The following FCHSD2 variants were observed in gnomAD, a reference collection of about 807,000 sequenced individuals.
FCHSD2 encodes FCH and double SH3 domains 2, also known as F-BAR and double SH3 domains protein 2.
Under a neutral mutation model 108.1 loss-of-function variants are expected in FCHSD2, and 38 were observed. The observed-to-expected ratio is 0.35, with a 90% CI of 0.27 to 0.46. FCHSD2 has a LOEUF of 0.46. FCHSD2 is among the 20% of genes least tolerant of loss of function. The pLI is 1.00. For synonymous variants in FCHSD2, 279 were observed against 314.7 expected (o/e 0.89, Z 1.20); for missense variants, 751 against 897.8 (o/e 0.84, Z 2.09).
At chr11:72,854,997 G>C (rs1311543395) in intron 13 of FCHSD2, among the ~76,000 whole-genome samples, 1 of 152,058 alleles carries the variant, frequency 6.6e-6, no homozygotes, top group Non-Finnish European at 1.5e-5. Context: ...AATTAGGCCA[G>C]GCACGGTGGC....
At chr11:73,083,664 C>T in intron 3 of FCHSD2, 31 bp downstream of exon 3, 1 of 1,456,146 alleles carries the variant, frequency 6.9e-7, no homozygotes, top group South Asian at 1.2e-5. Flanking sequence ...AAGAAGTATA[C>T]CTAGAATGGG....
chr11:73,098,021 C>T (rs1860132628), intron 2 of FCHSD2, among the ~76,000 whole-genome samples: 1 of 152,082 alleles, frequency 6.6e-6, no homozygotes, highest in Admixed American at 6.6e-5. Flanking sequence ...TTCAAAGTAC[C>T]AACTTTAGTT....
At chr11:73,085,800 T>TA (rs547004494) in intron 2 of FCHSD2, among the ~76,000 whole-genome samples, 6 of 150,922 alleles carry the variant, frequency 4.0e-5, no homozygotes, top group South Asian at 2.1e-4. Context: ...AGTTGATGTT[T>TA]AAAAAAAAAT....
chr11:72,966,465 T>C (rs571579266), intron 8 of FCHSD2, among the ~76,000 whole-genome samples: 20 of 152,126 alleles, frequency 1.3e-4, no homozygotes, highest in African/African-American at 4.3e-4. Context: ...CGGACTAAAC[T>C]GAGCATATTA....
intron 9 of FCHSD2, among the ~76,000 whole-genome samples, chr11:72,903,675 A>G (rs1855574082): frequency 6.6e-6 from 1 of 152,192 alleles, no homozygotes; most frequent in African/African-American, 2.4e-5. Flanking sequence ...TTTTGCTACC[A>G]TATCGCTTAC....
chr11:72,942,923 G>A (rs1375240585), intron 8 of FCHSD2, among the ~76,000 whole-genome samples: 2 of 152,104 alleles, frequency 1.3e-5, no homozygotes, highest in African/African-American at 2.4e-5. Context: ...GACTACAGGT[G>A]CATACTTCCC....
At chr11:73,065,214 G>A (rs7930535) in intron 3 of FCHSD2, among the ~76,000 whole-genome samples, 7,514 of 152,114 alleles carry the variant, frequency 0.049, 507 homozygotes, top group African/African-American at 0.15. Context: ...TATGCAAATC[G>A]ATAAATGTAA....
rs115426147 is a variant in FCHSD2, at chr11:73,017,548, G to A, written c.166-1663C>T. On this transcript the variant is annotated intron_variant, in intron 3 of 19. Transcript: ENST00000409418. ...TTAGCTTCAATCTCAAGTTCCTCCC[G>A]AACTTGGCAACAATTTGGTTTCACT... is the stretch of plus-strand genomic sequence containing the variant. Among the ~76,000 whole-genome samples the A allele has an allele frequency of 1.8e-4, 27 of 152,150 alleles. No individual in the cohort carries two copies. In the East Asian group the frequency reaches 3.9e-3, roughly 22 times the overall value.
At chr11:73,014,586 A>T (rs1286008282) in intron 4 of FCHSD2, among the ~76,000 whole-genome samples, 1 of 152,096 alleles carries the variant, frequency 6.6e-6, no homozygotes, top group Non-Finnish European at 1.5e-5. Context: ...TCATTGCCAC[A>T]TTCTTAAGAA....
intron 2 of FCHSD2, among the ~76,000 whole-genome samples, chr11:73,133,275 T>C (rs1236433516): frequency 1.3e-5 from 2 of 152,098 alleles, no homozygotes; most frequent in Non-Finnish European, 1.5e-5. Context: ...TAGGTATATA[T>C]CCAAAAGAAA....
chr11:72,921,376 G>A (rs1441688677), intron 9 of FCHSD2, among the ~76,000 whole-genome samples: 2 of 152,146 alleles, frequency 1.3e-5, no homozygotes, highest in African/African-American at 4.8e-5. Flanking sequence ...AAGAATGACA[G>A]CATATAGATA....
At chr11:73,036,952 T>G (rs1858512890) in intron 3 of FCHSD2, among the ~76,000 whole-genome samples, 2 of 152,254 alleles carry the variant, frequency 1.3e-5, no homozygotes, top group Non-Finnish European at 2.9e-5. Flanking sequence ...GGATCTGTAA[T>G]TAGATTTTAA....
At chr11:72,970,070 T>A (rs571187501) in intron 8 of FCHSD2, among the ~76,000 whole-genome samples, 1 of 152,292 alleles carries the variant, frequency 6.6e-6, no homozygotes, top group Admixed American at 6.5e-5. Flanking sequence ...ACCAGTAAAA[T>A]GAACCCAACT....
intron 8 of FCHSD2, among the ~76,000 whole-genome samples, chr11:72,932,458 T>G (rs1373181262): frequency 6.6e-6 from 1 of 152,232 alleles, no homozygotes; most frequent in African/African-American, 2.4e-5. Flanking sequence ...CCTCTTCAGC[T>G]TCTTCACTTA....
intron 2 of FCHSD2, among the ~76,000 whole-genome samples, chr11:73,104,741 G>T (rs1244682937): frequency 1.3e-5 from 2 of 151,854 alleles, no homozygotes; most frequent in African/African-American, 4.8e-5. Flanking sequence ...GCTAATTTTT[G>T]TATTTTTAGT....
At chr11:73,013,634 A>G (rs752712269) in intron 4 of FCHSD2, among the ~76,000 whole-genome samples, 2 of 152,220 alleles carry the variant, frequency 1.3e-5, no homozygotes, top group South Asian at 2.1e-4. Flanking sequence ...GAGAATTATT[A>G]TATCTACCTC....
chr11:73,102,285 A>C (rs1466080143), intron 2 of FCHSD2, among the ~76,000 whole-genome samples: 1 of 152,194 alleles, frequency 6.6e-6, no homozygotes, highest in Admixed American at 6.5e-5. Context: ...GGAATGCTAA[A>C]TAATATAGAT....
chr11:73,124,585 G>A (rs931858973), intron 2 of FCHSD2, among the ~76,000 whole-genome samples: 2 of 151,912 alleles, frequency 1.3e-5, no homozygotes, highest in South Asian at 2.1e-4. Context: ...GTGAAACCCC[G>A]CCTCTACTGA....
chr11:73,049,781 T>A (rs1858855127), intron 3 of FCHSD2, among the ~76,000 whole-genome samples: 1 of 152,052 alleles, frequency 6.6e-6, no homozygotes, highest in Non-Finnish European at 1.5e-5. Context: ...AGGGCTACCA[T>A]TTTTAGAGGG....
Sources: gnomAD v4.1 joint callset for allele counts (sites outside exome capture counted in the v4.1 genomes callset) on GRCh38, gnomAD v4.1.1 for gene constraint, MANE v1.5 for transcripts, NCBI Gene and HGNC (gene_info 2026-07-23, HGNC 2026-07-21) for gene names.